Variants in FRK observed in about 807,000 individuals in gnomAD.
FRK encodes the protein tyrosine-protein kinase FRK.
FRK carries 51 observed loss-of-function variants against 56.4 expected under a neutral mutation model. The ratio of observed to expected loss-of-function variants is 0.90; its 90% CI spans 0.72 to 1.14. The LOEUF (loss-of-function observed/expected upper bound fraction) is 1.14. FRK is among the 50% of genes most tolerant of loss of function. The pLI, the probability that FRK is intolerant of heterozygous loss-of-function variation, is 0.00. For synonymous variants in FRK, 245 were observed against 217.9 expected (o/e 1.12, Z -1.10); for missense variants, 570 against 601.4 (o/e 0.95, Z 0.55).
At chr6:116,055,108 G>A (rs1777339957) in intron 1 of FRK, among the ~76,000 whole-genome samples, 1 of 152,078 alleles carries the variant, frequency 6.6e-6, no homozygotes, top group Admixed American at 6.6e-5. Flanking sequence ...GGTGATATAG[G>A]TGATATAAGA....
chr6:116,072,350 A>T, the FRK span, among the ~76,000 whole-genome samples: 3 of 152,160 alleles, frequency 2.0e-5, no homozygotes, highest in East Asian at 5.8e-4. Flanking sequence ...CTAAATAAAA[A>T]TATTAACCAA....
At chr6:116,040,689 A>G (rs943120675) in intron 1 of FRK, among the ~76,000 whole-genome samples, 1 of 152,120 alleles carries the variant, frequency 6.6e-6, no homozygotes, top group Admixed American at 6.5e-5. Flanking sequence ...AGCATTTGCT[A>G]TTAGAAATTT....
chr6:115,942,215 A>G lies in FRK; in HGVS notation c.*199T>C, dbSNP rs1772212837. The G allele has an allele frequency of 6.1e-6, 3 of 489,370 alleles. No homozygotes were observed. The South Asian group carries it at 7.8e-5, about 13-fold the overall frequency. 30.3% of individuals were successfully genotyped at this position (489,370 alleles called of 1,614,324 possible). On this transcript the variant is annotated 3_prime_UTR_variant, in exon 8 of 8. Coordinates refer to ENST00000606080, the MANE Select transcript of FRK (RefSeq NM_002031.3). ...TTACCAGGCAGTGAGGAAATTATAT[A>G]TCACCTTGACTGTCCTGCAGTGTTG...
intron 2 of FRK, among the ~76,000 whole-genome samples, chr6:115,977,851 G>A (rs1774042544): frequency 6.6e-6 from 1 of 152,012 alleles, no homozygotes; most frequent in African/African-American, 2.4e-5. Flanking sequence ...ATCAAAACTG[G>A]CTATTAGGTG....
Position 116,000,223 on chromosome 6 carries a change from C to CTTTTTTTTTTTTTTTTT in FRK, c.466+3637_466+3653dup, listed in dbSNP as rs561273499. ...TTTCCTCATGAAAATATCATTCTTT[C>CTTTTTTTTTTTTTTTTT]TTTTTTTTTTTTTTTTTTTTTTTTT... On this transcript the variant is annotated intron_variant, in intron 2 of 7. Transcript: ENST00000606080. Among the ~76,000 whole-genome samples the CTTTTTTTTTTTTTTTTT allele has an allele frequency of 1.3e-4, 7 of 53,112 alleles. 1 individual carries two copies. The highest frequency in any genetic ancestry group is 1.1e-3 in the East Asian group (3 of 2,822). 34.8% of individuals were successfully genotyped at this position (53,112 alleles called of 152,430 possible). A position where few individuals can be genotyped will look rare whatever the true frequency, so the allele number is the denominator to read the frequency against.
intron 1 of FRK, among the ~76,000 whole-genome samples, chr6:116,010,862 G>T (rs371334503): frequency 3.5e-4 from 54 of 152,276 alleles, no homozygotes; most frequent in Middle Eastern, 3.4e-3. Context: ...TAGGCATGTT[G>T]GATTTGAGGT....
intron 2 of FRK, among the ~76,000 whole-genome samples, chr6:115,990,605 G>A (rs1179830857): frequency 6.6e-6 from 1 of 151,652 alleles, no homozygotes; most frequent in African/African-American, 2.4e-5. Context: ...TTATTCTTGG[G>A]TTATCTATTC....
chr6:116,090,156 A>G, the FRK span, among the ~76,000 whole-genome samples: 1 of 152,214 alleles, frequency 6.6e-6, no homozygotes, highest in South Asian at 2.1e-4. Flanking sequence ...CATGATAATG[A>G]GTCGTGTCAT....
chr6:116,059,798 C>A (rs1777547758), intron 1 of FRK, among the ~76,000 whole-genome samples, 170 bp downstream of exon 1: 1 of 152,194 alleles, frequency 6.6e-6, no homozygotes, highest in Non-Finnish European at 1.5e-5. Flanking sequence ...GCCAGTTTCA[C>A]ACTCACTTAG....
chr6:116,092,644 A>G, the FRK span, among the ~76,000 whole-genome samples: 1 of 152,172 alleles, frequency 6.6e-6, no homozygotes, highest in Admixed American at 6.5e-5. Context: ...TGCGTCAGTG[A>G]GCACAACTAT....
chr6:115,991,313 T>A (rs751991748), intron 2 of FRK, among the ~76,000 whole-genome samples: 1 of 151,928 alleles, frequency 6.6e-6, no homozygotes, highest in Admixed American at 6.6e-5. Flanking sequence ...CTATATTGAA[T>A]AGGAGTGGTG....
At chr6:116,002,679 T>G (rs1439549304) in intron 2 of FRK, 2 of 455,544 alleles carry the variant, frequency 4.4e-6, no homozygotes, top group Non-Finnish European at 8.8e-6. Flanking sequence ...ACTAGCATAC[T>G]CTAACCTCTT....
intron 2 of FRK, among the ~76,000 whole-genome samples, chr6:115,990,206 T>A (rs1385549034): frequency 1.3e-5 from 2 of 152,026 alleles, no homozygotes; most frequent in Non-Finnish European, 2.9e-5. Context: ...TTTGTAAATA[T>A]TTTCTCCCAT....
chr6:115,959,867 A>G (rs1405910074), intron 4 of FRK, among the ~76,000 whole-genome samples: 2 of 152,170 alleles, frequency 1.3e-5, no homozygotes. Flanking sequence ...ATCGAATTTG[A>G]CACTATTCAC....
Position 115,943,188 on chromosome 6 carries a change from G to T in FRK, c.1141-3C>A. ...TCATAGATGTCTTCATTATCTACCT[G>T]TTCATGTATTAAGGAATCAGGCCGA... On this transcript the variant is annotated splice_polypyrimidine_tract_variant and splice_region_variant and intron_variant, in intron 6 of 7. Transcript: ENST00000606080. 6.3e-7 allele frequency: 1 copy of T among 1,590,332 alleles called. No homozygotes were observed. Among genetic ancestry groups the T allele is most frequent in the Non-Finnish European group, 8.5e-7 (1 of 1,170,298 alleles).
intron 2 of FRK, among the ~76,000 whole-genome samples, chr6:115,999,624 A>AT (rs1774972618): frequency 6.6e-6 from 1 of 152,198 alleles, no homozygotes; most frequent in South Asian, 2.1e-4. Flanking sequence ...GAAAAGGGAT[A>AT]TTTTTTGCCT....
At chr6:116,099,255 T>C in the FRK span, among the ~76,000 whole-genome samples, 3 of 152,202 alleles carry the variant, frequency 2.0e-5, no homozygotes, top group Non-Finnish European at 4.4e-5. Context: ...AACAATCCTT[T>C]TATACTCTTC....
chr6:116,090,982 T>G, the FRK span, among the ~76,000 whole-genome samples: 1 of 152,244 alleles, frequency 6.6e-6, no homozygotes, highest in Non-Finnish European at 1.5e-5. Context: ...ATTTGAGATT[T>G]TTTTAAAATT....
At chr6:115,988,458 G>A (rs1287022069) in intron 2 of FRK, among the ~76,000 whole-genome samples, 1 of 151,980 alleles carries the variant, frequency 6.6e-6, no homozygotes, top group Non-Finnish European at 1.5e-5. Flanking sequence ...TACTAAAAAT[G>A]CTTTTAAATT....
Sources: gnomAD v4.1 joint callset for allele counts (sites outside exome capture counted in the v4.1 genomes callset) on GRCh38, gnomAD v4.1.1 for gene constraint, MANE v1.5 for transcripts, NCBI Gene and HGNC (gene_info 2026-07-23, HGNC 2026-07-21) for gene names.